NAMPT: variants seen among roughly 807,000 people sequenced by gnomAD.
NAMPT encodes NAmPRTase.
A neutral mutation model predicts 58.7 loss-of-function variants in NAMPT; 7 were observed. The ratio of observed to expected loss-of-function variants is 0.12; its 90% CI spans 0.07 to 0.22. The LOEUF (loss-of-function observed/expected upper bound fraction) is 0.22. NAMPT is among the 10% of genes least tolerant of loss of function. The pLI is 1.00. For missense variants in NAMPT, 271 were observed against 567.9 expected, an observed-to-expected ratio of 0.48 and a Z score of 5.31; for synonymous variants, 145 against 198.1, an observed-to-expected ratio of 0.73 and a Z score of 2.25.
intron 9 of NAMPT, 144 bp downstream of exon 9, chr7:106,254,220 G>A (rs879312548): frequency 2.5e-6 from 2 of 799,416 alleles, no homozygotes; most frequent in Non-Finnish European, 3.9e-6. Flanking sequence ...TTCTTTCCTT[G>A]TTTCTGAGTT....
chr7:106,249,114 T>G lies in NAMPT; in HGVS notation c.*1969A>C, dbSNP rs1792066857. 6.6e-6 allele frequency: 1 copy of G among 152,404 alleles called. No individual in the cohort carries two copies. The highest frequency in any genetic ancestry group is 6.6e-5 in the Admixed American group (1 of 15,250). 9.4% of individuals were successfully genotyped at this position (152,404 alleles called of 1,614,324 possible). On this transcript the variant is annotated 3_prime_UTR_variant, in exon 11 of 11. Transcript: ENST00000222553. ...TTTCTTTTGATTCTTTACACGCCCCTTAGCACATTTTGTGAAGAAATGTGT... is the reference window on the plus strand; with the variant it reads ...TTTCTTTTGATTCTTTACACGCCCCGTAGCACATTTTGTGAAGAAATGTGT...
intron 2 of NAMPT, chr7:106,276,657 AC>A (rs1462353500): frequency 9.8e-6 from 2 of 204,446 alleles, no homozygotes; most frequent in African/African-American, 4.7e-5. Context: ...AGCCTGACCA[AC>A]ATGGAGAAAG....
intron 2 of NAMPT, 40 bp downstream of exon 2, chr7:106,276,983 G>A: frequency 6.8e-7 from 1 of 1,462,920 alleles, no homozygotes; most frequent in Non-Finnish European, 9.6e-7. Context: ...GGAGTTAAGA[G>A]TAATAAGCAG....
chr7:106,285,691 T>G, upstream of NAMPT: 1 of 640,936 alleles, frequency 1.6e-6, no homozygotes, highest in Non-Finnish European at 1.9e-6. Flanking sequence ...GACTCCGCTT[T>G]CCTCCGGCGG....
chr7:106,259,491 G>C (rs1391993257), intron 8 of NAMPT, among the ~76,000 whole-genome samples: 1 of 152,092 alleles, frequency 6.6e-6, no homozygotes, highest in African/African-American at 2.4e-5. Context: ...GCAGTGGCGT[G>C]ATCTTGGCAC....
intron 1 of NAMPT, 31 bp downstream of exon 1, chr7:106,284,797 C>T (rs753408850): frequency 3.4e-6 from 5 of 1,474,316 alleles, no homozygotes; most frequent in African/African-American, 2.9e-5. Flanking sequence ...GCGCCCCGCT[C>T]CTCCTCATCT....
chr7:106,267,000 A>C (rs1033249143), intron 6 of NAMPT, among the ~76,000 whole-genome samples: 1 of 152,178 alleles, frequency 6.6e-6, no homozygotes, highest in Admixed American at 6.5e-5. Context: ...CTTATTCTCT[A>C]AACATTCTCC....
At chr7:106,285,587 C>T (rs1792864431), upstream of NAMPT, 13 of 985,898 alleles carry the variant, frequency 1.3e-5, no homozygotes, top group Non-Finnish European at 1.6e-5. Flanking sequence ...GCCTCCATCC[C>T]TCTTGTCCCT....
intron 1 of NAMPT, among the ~76,000 whole-genome samples, chr7:106,278,765 T>G (rs1215137391): frequency 6.6e-6 from 1 of 152,200 alleles, no homozygotes; most frequent in Non-Finnish European, 1.5e-5. Flanking sequence ...CAGTTTACAA[T>G]GTAAATAACT....
chr7:106,273,543 C>T (rs897844874), intron 3 of NAMPT, among the ~76,000 whole-genome samples: 1 of 152,184 alleles, frequency 6.6e-6, no homozygotes, highest in Non-Finnish European at 1.5e-5. Context: ...GGACTAGTCA[C>T]TTGCCATCTC....
chr7:106,270,634 G>A (rs1293155935), intron 4 of NAMPT, among the ~76,000 whole-genome samples: 2 of 152,148 alleles, frequency 1.3e-5, no homozygotes, highest in Non-Finnish European at 2.9e-5. Flanking sequence ...CCAGTTTCAA[G>A]AGGTTTTGCA....
At chr7:106,254,318 T>C (rs1461038065) in intron 9 of NAMPT, 46 bp downstream of exon 9, 2 of 1,601,798 alleles carry the variant, frequency 1.2e-6, no homozygotes, top group East Asian at 4.5e-5. Context: ...TCTACCTAGA[T>C]ACATAAGGAA....
At chr7:106,285,067 G>C, upstream of NAMPT, 2 of 1,358,346 alleles carry the variant, frequency 1.5e-6, no homozygotes, top group Non-Finnish European at 1.9e-6. Context: ...CCGTGACGCG[G>C]CGCGGGTGAC....
intron 8 of NAMPT, among the ~76,000 whole-genome samples, chr7:106,257,319 TAC>T: frequency 6.6e-6 from 1 of 152,070 alleles, no homozygotes; most frequent in East Asian, 1.9e-4. Context: ...TTCTCAACTA[TAC>T]AGATGCACAT....
At chr7:106,269,788 G>A (rs1192563486) in intron 4 of NAMPT, among the ~76,000 whole-genome samples, 5 of 152,132 alleles carry the variant, frequency 3.3e-5, no homozygotes, top group East Asian at 1.9e-4. Flanking sequence ...GCATTGGTCC[G>A]TGGACTGCAT....
At chr7:106,267,854 AAAAAAAAAAAAAAAAAAAAAAAC>A (rs1792450800) in intron 6 of NAMPT, among the ~76,000 whole-genome samples, 1 of 116,478 alleles carries the variant, frequency 8.6e-6, no homozygotes, top group Admixed American at 9.0e-5. Context: ...AAAAAAAAAA[AAAAAAAAAAAAAAAAAAAAAAAC>A]AACCTGATTT....
At chr7:106,267,493 T>A (rs565919860) in intron 6 of NAMPT, among the ~76,000 whole-genome samples, 6 of 152,214 alleles carry the variant, frequency 3.9e-5, no homozygotes, top group African/African-American at 1.2e-4. Context: ...CCCTAATGAT[T>A]ATAGTAAATA....
intron 8 of NAMPT, among the ~76,000 whole-genome samples, chr7:106,259,617 G>C (rs1438452995): frequency 2.6e-5 from 4 of 151,958 alleles, no homozygotes; most frequent in African/African-American, 9.7e-5. Flanking sequence ...TAGAGACGGG[G>C]TTTCACCACG....
intron 8 of NAMPT, among the ~76,000 whole-genome samples, chr7:106,255,413 T>C (rs1051892966): frequency 6.6e-6 from 1 of 152,216 alleles, no homozygotes; most frequent in Non-Finnish European, 1.5e-5. Context: ...TCAGAAGTTA[T>C]TAGAAAATCA....
Sources: allele counts gnomAD v4.1 joint callset (sites outside exome capture counted in the v4.1 genomes callset), GRCh38; gene constraint gnomAD v4.1.1; transcripts MANE v1.5; gene names NCBI Gene and HGNC (gene_info 2026-07-23, HGNC 2026-07-21).